The following AFF2 variants were observed in gnomAD, a reference collection of about 807,000 sequenced individuals.
The protein encoded by AFF2 is ALF transcription elongation factor 2.
In AFF2, 14 loss-of-function variants were observed where a neutral mutation model predicts 76.9. The observed-to-expected ratio is 0.18, with a 90% CI of 0.12 to 0.28. AFF2 has a LOEUF of 0.28. AFF2 is among the 10% of genes least tolerant of loss of function. AFF2 has a pLI of 1.00. For synonymous variants in AFF2, 398 were observed against 366.7 expected (o/e 1.09, Z -0.98); for missense variants, 868 against 1,001.1 (o/e 0.87, Z 1.79).
intron 3 of AFF2, among the ~76,000 whole-genome samples, chrX:148,774,392 A>G (rs1013935127): frequency 9.0e-6 from 1 of 111,638 alleles, no homozygotes. Context: ...CTGACGTGGA[A>G]GAAAACAAGA....
At chrX:148,712,016 T>C (rs2054973000) in intron 3 of AFF2, among the ~76,000 whole-genome samples, 1 of 111,732 alleles carries the variant, frequency 8.9e-6, no homozygotes, top group South Asian at 3.8e-4. Flanking sequence ...CTCGATGCTG[T>C]GCTACAGTCT....
chrX:148,744,847 C>A (rs2055402079), intron 3 of AFF2, among the ~76,000 whole-genome samples: 2 of 111,631 alleles, frequency 1.8e-5, no homozygotes, highest in African/African-American at 6.5e-5. Flanking sequence ...TTAAAGCAGA[C>A]CCTGCTTCCA....
intron 3 of AFF2, among the ~76,000 whole-genome samples, chrX:148,787,214 C>T (rs1557269584): frequency 2.7e-5 from 3 of 110,963 alleles, no homozygotes; most frequent in Non-Finnish European, 3.8e-5. Flanking sequence ...TTACCTAGTC[C>T]GTGTGTAATG....
rs1315213561 is a variant in AFF2, at chrX:148,851,528, C to T, written c.1262+8095C>T. Among the ~76,000 whole-genome samples the T allele has an allele frequency of 4.5e-5, 5 of 111,409 alleles. No homozygotes were observed. The East Asian group carries it at 1.4e-3, about 32-fold the overall frequency. ...ACAGTACAACCCCATAGTATACTGCCTTGTCCTTGCCAAAGGTTCTAGGGT... is the reference window on the plus strand; with the variant it reads ...ACAGTACAACCCCATAGTATACTGCTTTGTCCTTGCCAAAGGTTCTAGGGT... On this transcript the variant is annotated intron_variant, in intron 7 of 20. Coordinates refer to ENST00000370460, the MANE Select transcript of AFF2 (RefSeq NM_002025.4).
intron 1 of AFF2, among the ~76,000 whole-genome samples, chrX:148,565,902 A>T (rs1241916956): frequency 9.0e-6 from 1 of 111,386 alleles, no homozygotes; most frequent in Non-Finnish European, 1.9e-5. Flanking sequence ...CAAGGTTGTT[A>T]AAAGTTCATA....
rs1471235083 is a variant in AFF2, at chrX:148,998,605, C to G, written c.*7273C>G. 1 of 111,617 alleles carries G rather than the reference C, an allele frequency of 9.0e-6. No homozygotes were observed. Among genetic ancestry groups the G allele is most frequent in the Non-Finnish European group, 1.9e-5 (1 of 53,057 alleles). The allele number at this position is 111,617 out of a possible 1,213,427, so 9.2% of individuals were successfully genotyped here. A position where few individuals can be genotyped will look rare whatever the true frequency, so the allele number is the denominator to read the frequency against. On this transcript the variant is annotated 3_prime_UTR_variant, in exon 21 of 21. Transcript: ENST00000370460. ...GTGGAGTGGTTGCAGGCAGATGAGA[C>G]AGTGTTATATCAGGATTTTTCAATC...
chrX:148,999,304 T>G lies in AFF2; in HGVS notation c.*7972T>G, dbSNP rs2072647278. ...GTATTTCCTAACATTCCCATTAGCC[T>G]GTATATAAGAATCAGAAAGATAATC... is the stretch of plus-strand genomic sequence containing the variant. On this transcript the variant is annotated 3_prime_UTR_variant, in exon 21 of 21. Transcript: ENST00000370460. 8.9e-6 allele frequency: 1 copy of G among 111,827 alleles called. No individual in the cohort carries two copies. Among genetic ancestry groups the G allele is most frequent in the Non-Finnish European group, 1.9e-5 (1 of 53,193 alleles). The allele number at this position is 111,827 out of a possible 1,213,427, so 9.2% of individuals were successfully genotyped here. A position where few individuals can be genotyped will look rare whatever the true frequency, so the allele number is the denominator to read the frequency against.
chrX:148,967,119 GA>G (rs1557288895), intron 14 of AFF2, 40 bp downstream of exon 14: 1 of 1,195,537 alleles, frequency 8.4e-7, no homozygotes. Flanking sequence ...TTGGAGTAGT[GA>G]ATGGGGGGTG....
intron 3 of AFF2, among the ~76,000 whole-genome samples, chrX:148,716,251 C>T (rs1290177711): frequency 1.8e-5 from 2 of 111,182 alleles, no homozygotes; most frequent in African/African-American, 6.6e-5. Context: ...TTGTGCCATC[C>T]CCTTGTTGGA....
At chrX:148,617,790 A>G (rs1461751476) in intron 1 of AFF2, among the ~76,000 whole-genome samples, 1 of 112,355 alleles carries the variant, frequency 8.9e-6, no homozygotes, top group African/African-American at 3.2e-5. Flanking sequence ...TATCCTCAAG[A>G]TCGTGTAATA....
chrX:148,769,420 G>A (rs2069558416), intron 3 of AFF2, among the ~76,000 whole-genome samples: 1 of 111,435 alleles, frequency 9.0e-6, no homozygotes, highest in South Asian at 3.8e-4. Flanking sequence ...AGAAACTAAG[G>A]TAACAGGGTA....
intron 3 of AFF2, among the ~76,000 whole-genome samples, chrX:148,776,879 T>G (rs1557268626): frequency 8.9e-6 from 1 of 112,315 alleles, no homozygotes; most frequent in Non-Finnish European, 1.9e-5. Flanking sequence ...ATTTGTCAAT[T>G]TTGGCTTCTG....
intron 3 of AFF2, among the ~76,000 whole-genome samples, chrX:148,759,203 C>T (rs1238157658): frequency 7.1e-5 from 8 of 111,962 alleles, no homozygotes; most frequent in Non-Finnish European, 1.3e-4. Flanking sequence ...ACTTAAATCC[C>T]GGAAATGTCA....
In AFF2 at chrX:148,666,477, C is replaced by T. The variant is rs782797229; in HGVS notation, c.1041+3709C>T. Among the ~76,000 whole-genome samples, 22 of 109,902 alleles carry T rather than the reference C, an allele frequency of 2.0e-4. No individual in the cohort carries two copies. In the East Asian group the frequency reaches 6.3e-3, roughly 31 times the overall value. On this transcript the variant is annotated intron_variant, in intron 3 of 20. Transcript: ENST00000370460. ...GCACACACCTGTAGTCCCAGCTACTCGGGAGGCTGAGGCAGGAGAATAGCT... is the reference window on the plus strand; with the variant it reads ...GCACACACCTGTAGTCCCAGCTACTTGGGAGGCTGAGGCAGGAGAATAGCT...
chrX:148,910,069 C>G (rs781968083), intron 9 of AFF2, among the ~76,000 whole-genome samples: 2 of 110,518 alleles, frequency 1.8e-5, no homozygotes, highest in African/African-American at 3.3e-5. Context: ...GAGAAAGAAA[C>G]AGAGAGAGAG....
chrX:148,655,491 G>T (rs1174648944), intron 2 of AFF2, among the ~76,000 whole-genome samples: 2 of 110,938 alleles, frequency 1.8e-5, no homozygotes, highest in Non-Finnish European at 3.8e-5. Flanking sequence ...GGCAAGGCTG[G>T]TCTCAAACTC....
intron 3 of AFF2, among the ~76,000 whole-genome samples, chrX:148,736,101 A>G (rs1054984572): frequency 8.9e-6 from 1 of 112,053 alleles, no homozygotes; most frequent in African/African-American, 3.2e-5. Flanking sequence ...TCTTTTTCCT[A>G]TAATGATCTG....
chrX:148,741,237 G>A (rs782259144), intron 3 of AFF2, among the ~76,000 whole-genome samples: 1 of 111,584 alleles, frequency 9.0e-6, no homozygotes, highest in African/African-American at 3.3e-5. Flanking sequence ...CACTACCAGG[G>A]TGGATAGAGA....
chrX:148,727,375 T>C (rs1294145966), intron 3 of AFF2, among the ~76,000 whole-genome samples: 1 of 112,017 alleles, frequency 8.9e-6, no homozygotes, highest in African/African-American at 3.2e-5. Flanking sequence ...GCATGTTGTA[T>C]TTCCACCATA....
Sources: allele counts gnomAD v4.1 joint callset (sites outside exome capture counted in the v4.1 genomes callset), GRCh38; gene constraint gnomAD v4.1.1; transcripts MANE v1.5; gene names NCBI Gene and HGNC (gene_info 2026-07-23, HGNC 2026-07-21).